The following TFEC variants were observed in gnomAD, a reference collection of about 807,000 sequenced individuals.
The protein encoded by TFEC is transcription factor EC, also known as class E basic helix-loop-helix protein 34.
TFEC carries 31 observed loss-of-function variants against 41.6 expected under a neutral mutation model. The observed-to-expected ratio is 0.74, with a 90% CI of 0.56 to 1.01. TFEC has a LOEUF of 1.01. Ranked by LOEUF, TFEC falls within the 50% of genes least tolerant of loss-of-function variation. TFEC has a pLI of 0.00. For synonymous variants in TFEC, 143 were observed against 140.6 expected, an observed-to-expected ratio of 1.02 and a Z score of -0.12; for missense variants, 402 against 404.1, an observed-to-expected ratio of 0.99 and a Z score of 0.04.
chr7:115,945,923 T>C (rs1463537483), intron 6 of TFEC, among the ~76,000 whole-genome samples: 1 of 151,776 alleles, frequency 6.6e-6, no homozygotes, highest in Non-Finnish European at 1.5e-5. Context: ...AGTTAAATAA[T>C]TGTGACAAAG....
intron 3 of TFEC, among the ~76,000 whole-genome samples, chr7:116,056,662 A>G (rs1227283531): frequency 1.3e-5 from 2 of 152,124 alleles, no homozygotes; most frequent in Non-Finnish European, 2.9e-5. Context: ...AAGAAATCTT[A>G]AACACCTGAC....
chr7:116,034,858 C>T (rs969232468), upstream of TFEC, among the ~76,000 whole-genome samples: 12 of 151,946 alleles, frequency 7.9e-5, no homozygotes, highest in Admixed American at 6.6e-4. Flanking sequence ...TAGGCCTACA[C>T]ACCTCCTTTA....
intron 3 of TFEC, among the ~76,000 whole-genome samples, chr7:116,047,326 T>A (rs1796191866): frequency 2.0e-5 from 3 of 152,138 alleles, no homozygotes; most frequent in Non-Finnish European, 4.4e-5. Context: ...TCCAATGGTC[T>A]TAGCAAACGG....
intron 1 of TFEC, among the ~76,000 whole-genome samples, chr7:116,134,690 G>T (rs1417291171): frequency 6.6e-6 from 1 of 152,012 alleles, no homozygotes; most frequent in Non-Finnish European, 1.5e-5. Flanking sequence ...TTTGATAACT[G>T]CATTAAGTAT....
intron 3 of TFEC, among the ~76,000 whole-genome samples, chr7:116,073,988 A>G (rs561981305): frequency 2.0e-5 from 3 of 151,916 alleles, no homozygotes; most frequent in African/African-American, 7.2e-5. Context: ...TCTTCAACAA[A>G]TGGTACAGGG....
At chr7:115,989,721 G>A (rs1327796836) in intron 1 of TFEC, among the ~76,000 whole-genome samples, 3 of 152,136 alleles carry the variant, frequency 2.0e-5, no homozygotes, top group Admixed American at 1.3e-4. Context: ...TAAACAAAGC[G>A]GCCGGGAAGC....
chr7:115,969,890 G>A (rs566914879), intron 3 of TFEC, among the ~76,000 whole-genome samples: 4 of 151,962 alleles, frequency 2.6e-5, no homozygotes, highest in Non-Finnish European at 5.9e-5. Flanking sequence ...ATGGGAGTAA[G>A]AGAGAGAAAA....
At chr7:116,005,194 G>A (rs531769693) in intron 1 of TFEC, among the ~76,000 whole-genome samples, 2 of 152,254 alleles carry the variant, frequency 1.3e-5, no homozygotes, top group Non-Finnish European at 2.9e-5. Context: ...AGTAAAGTGG[G>A]GCACTGCTGA....
chr7:115,997,806 T>G (rs1252597292), intron 1 of TFEC, among the ~76,000 whole-genome samples: 1 of 152,114 alleles, frequency 6.6e-6, no homozygotes, highest in African/African-American at 2.4e-5. Flanking sequence ...TCAATAGGCA[T>G]GCTGAAGAAC....
chr7:116,016,568 C>T (rs1012241592), intron 1 of TFEC, among the ~76,000 whole-genome samples: 14 of 152,054 alleles, frequency 9.2e-5, no homozygotes, highest in South Asian at 4.1e-4. Context: ...GTGAATGACA[C>T]GCCCTATTCC....
intron 3 of TFEC, among the ~76,000 whole-genome samples, chr7:116,057,521 AG>A (rs1184536466): frequency 3.3e-5 from 5 of 152,040 alleles, no homozygotes; most frequent in Admixed American, 3.3e-4. Flanking sequence ...GAAATGTTAA[AG>A]GAAGTTTTAG....
At chr7:116,006,894 G>C (rs1171293248) in intron 1 of TFEC, among the ~76,000 whole-genome samples, 1 of 152,068 alleles carries the variant, frequency 6.6e-6, no homozygotes, top group East Asian at 1.9e-4. Context: ...AGATCTGATG[G>C]TATCATAAGG....
upstream of TFEC, among the ~76,000 whole-genome samples, chr7:116,034,077 G>A (rs997581558): frequency 6.6e-6 from 1 of 152,010 alleles, no homozygotes; most frequent in African/African-American, 2.4e-5. Flanking sequence ...CATTCTCTTT[G>A]CCTTTAATGC....
chr7:116,112,544 G>A (rs890433426), intron 1 of TFEC, among the ~76,000 whole-genome samples: 11 of 151,918 alleles, frequency 7.2e-5, no homozygotes, highest in Non-Finnish European at 4.4e-5. Context: ...CTGTACACAT[G>A]ACAATTGGTG....
chr7:115,987,867 T>C (rs1480079205), intron 1 of TFEC, among the ~76,000 whole-genome samples: 1 of 152,120 alleles, frequency 6.6e-6, no homozygotes, highest in Non-Finnish European at 1.5e-5. Flanking sequence ...GAAGACCATA[T>C]AAACCATAAT....
intron 1 of TFEC, among the ~76,000 whole-genome samples, chr7:115,997,976 G>GA (rs1794434419): frequency 6.6e-6 from 1 of 152,182 alleles, no homozygotes; most frequent in South Asian, 2.1e-4. Flanking sequence ...CCTCCAAAGG[G>GA]AAAATCTAAG....
intron 1 of TFEC, among the ~76,000 whole-genome samples, chr7:116,020,058 C>A (rs1795335348): frequency 6.6e-6 from 1 of 152,132 alleles, no homozygotes; most frequent in Non-Finnish European, 1.5e-5. Context: ...TTCATTTAAT[C>A]CTCACAGCAA....
intron 1 of TFEC, among the ~76,000 whole-genome samples, chr7:116,025,746 C>CCACT (rs746391862): frequency 4.4e-4 from 67 of 152,282 alleles, no homozygotes; most frequent in South Asian, 8.3e-4. Context: ...TTTGCTCAGT[C>CCACT]CACTGGTTTG....
Position 116,064,032 on chromosome 7 carries a change from G to A in TFEC, c.198+46676C>T, listed in dbSNP as rs146569447. 3.8e-3 allele frequency among the ~76,000 whole-genome samples: 580 copies of A among 152,198 alleles called. 4 individuals carry two copies. Among genetic ancestry groups the A allele is most frequent in the African/African-American group, 0.013 (538 of 41,540 alleles). On this transcript the variant is annotated intron_variant, in intron 3 of 8. Coordinates refer to the TFEC transcript ENST00000484212. The stretch of plus-strand genomic sequence containing the variant: ...CTTATATAGAAGATCTAAAAAAACT[G>A]AACTCAATAGAAGTAGAGAGTAGAA...
Sources: gnomAD v4.1 joint callset for allele counts (sites outside exome capture counted in the v4.1 genomes callset) on GRCh38, gnomAD v4.1.1 for gene constraint, MANE v1.5 for transcripts, NCBI Gene and HGNC (gene_info 2026-07-23, HGNC 2026-07-21) for gene names.